RBFOX1: variants seen among roughly 807,000 people sequenced by gnomAD.
The protein encoded by RBFOX1 is RNA binding protein fox-1 homolog 1.
In RBFOX1, 8 loss-of-function variants were observed where a neutral mutation model predicts 57.7. The observed-to-expected ratio is 0.14, with a 90% confidence interval of 0.08 to 0.25. RBFOX1 has a LOEUF of 0.25. Ranked by LOEUF, RBFOX1 falls within the 10% of genes least tolerant of loss-of-function variation. RBFOX1 has a pLI of 1.00. For synonymous variants in RBFOX1, 326 were observed against 222.4 expected, an observed-to-expected ratio of 1.47 and a Z score of -4.15; for missense variants, 611 against 548.5, an observed-to-expected ratio of 1.11 and a Z score of -1.14.
At chr16:6,240,528 C>T (rs904129200) in intron 1 of RBFOX1, among the ~76,000 whole-genome samples, 3 of 152,064 alleles carry the variant, frequency 2.0e-5, no homozygotes, top group African/African-American at 7.2e-5. Flanking sequence ...CACTCTTTGG[C>T]ACAATTTTCA....
chr16:5,540,802 A>G (rs750398435), intron 2 of RBFOX1, among the ~76,000 whole-genome samples: 1 of 152,196 alleles, frequency 6.6e-6, no homozygotes, highest in Admixed American at 6.5e-5. Context: ...GCAGAATCTC[A>G]GCTCCATCCC....
At chr16:7,705,348 T>C (rs2082092062) in intron 14 of RBFOX1, among the ~76,000 whole-genome samples, 1 of 151,874 alleles carries the variant, frequency 6.6e-6, no homozygotes, top group African/African-American at 2.4e-5. Context: ...CTACTAAAAA[T>C]AGAAAAATTA....
chr16:7,080,247 C>T (rs917977532), intron 4 of RBFOX1, among the ~76,000 whole-genome samples: 5 of 151,982 alleles, frequency 3.3e-5, no homozygotes, highest in African/African-American at 1.2e-4. Context: ...TTTCATGCAG[C>T]GTGGACAGGC....
intron 4 of RBFOX1, among the ~76,000 whole-genome samples, chr16:7,204,422 A>T (rs2089472827): frequency 6.6e-6 from 1 of 152,182 alleles, no homozygotes; most frequent in African/African-American, 2.4e-5. Context: ...TGGGAGGATC[A>T]CTTGAGCCCA....
intron 3 of RBFOX1, among the ~76,000 whole-genome samples, chr16:6,699,870 A>C (rs7199760): frequency 0.17 from 26,586 of 152,118 alleles, 2,592 homozygotes; most frequent in Non-Finnish European, 0.21. Context: ...AAGGATAGCT[A>C]TTCTGCCACA....
chr16:5,815,156 ATTT>A (rs71142650), intron 3 of RBFOX1, among the ~76,000 whole-genome samples: 143 of 114,210 alleles, frequency 1.3e-3, no homozygotes, highest in African/African-American at 4.7e-3. Flanking sequence ...ATTTAATTTA[ATTT>A]TTTTTTTTTT....
intron 3 of RBFOX1, among the ~76,000 whole-genome samples, chr16:6,827,747 G>A (rs1380252779): frequency 3.9e-5 from 6 of 152,002 alleles, no homozygotes; most frequent in Non-Finnish European, 5.9e-5. Context: ...ATGGATCTCC[G>A]GTCACCTCCA....
chr16:6,120,316 C>T (rs2096539631), intron 1 of RBFOX1, among the ~76,000 whole-genome samples: 1 of 152,228 alleles, frequency 6.6e-6, no homozygotes, highest in South Asian at 2.1e-4. Context: ...CTGGATCATG[C>T]AGTAGCTCTA....
At chr16:6,296,449 C>T (rs2078120854) in intron 1 of RBFOX1, among the ~76,000 whole-genome samples, 1 of 146,546 alleles carries the variant, frequency 6.8e-6, no homozygotes, top group Non-Finnish European at 1.5e-5. Context: ...GAGGTGGAGT[C>T]TCGCTCTGTC....
At chr16:7,065,661 A>G (rs979443301) in intron 4 of RBFOX1, among the ~76,000 whole-genome samples, 2 of 152,206 alleles carry the variant, frequency 1.3e-5, no homozygotes, top group East Asian at 1.9e-4. Context: ...TAGGGTAAGA[A>G]TACTTAAAAT....
intron 3 of RBFOX1, among the ~76,000 whole-genome samples, chr16:6,748,150 G>A (rs2074160986): frequency 6.6e-6 from 1 of 152,166 alleles, no homozygotes; most frequent in Non-Finnish European, 1.5e-5. Flanking sequence ...TTTATGGCAT[G>A]ATTTACTAGC....
chr16:7,531,181 A>G (rs2079978406), intron 5 of RBFOX1, among the ~76,000 whole-genome samples: 2 of 152,214 alleles, frequency 1.3e-5, no homozygotes, highest in Admixed American at 6.5e-5. Context: ...AATCCAAACA[A>G]TATGGGCTGC....
In RBFOX1 at chr16:7,295,945, C is replaced by T. The variant is rs980188650; in HGVS notation, c.28-222202C>T. On this transcript the variant is annotated intron_variant, in intron 4 of 15. Coordinates refer to ENST00000550418, the MANE Select transcript of RBFOX1 (RefSeq NM_018723.4). ...GAAGGGTGTTTGGTTTGGTTTGCTG[C>T]AGTGAACCTGTGGGGGTAAAGAGAA... 2.6e-5 allele frequency among the ~76,000 whole-genome samples: 4 copies of T among 152,136 alleles called. No homozygotes were observed. In the East Asian group the frequency reaches 5.8e-4, roughly 22 times the overall value.
chr16:6,640,644 T>G (rs540458952), intron 2 of RBFOX1, among the ~76,000 whole-genome samples: 1 of 152,024 alleles, frequency 6.6e-6, no homozygotes, highest in Non-Finnish European at 1.5e-5. Flanking sequence ...AATACTACTT[T>G]ATAGAGCCAG....
chr16:5,448,300 C>G (rs2151558059), intron 1 of RBFOX1, among the ~76,000 whole-genome samples: 1 of 152,264 alleles, frequency 6.6e-6, no homozygotes. Context: ...GTTCCTCAAA[C>G]TTACCTCCCA....
rs34468596 is a variant in RBFOX1, at chr16:7,610,118, C to CTTTTTTTTTTTTTTTTTTTTTTTTTTTTT, written c.676+2801_676+2802insTTTTTTTTTTTTTTTTTTTTTTTTTTTTT. ...GGTGTGAGCCACTGCGCCCGGCCCC[C>CTTTTTTTTTTTTTTTTTTTTTTTTTTTTT]TTTTTTTTTTTTTTTTTTTTTGAGG... On this transcript the variant is annotated intron_variant, in intron 10 of 15. Transcript: ENST00000550418. Among the ~76,000 whole-genome samples, 2 of 65,622 alleles carry CTTTTTTTTTTTTTTTTTTTTTTTTTTTTT rather than the reference C, an allele frequency of 3.0e-5. 1 individual carries two copies. The highest frequency in any genetic ancestry group is 1.6e-4 in the African/African-American group (2 of 12,424). The allele number at this position is 65,622 out of a possible 152,430, so 43.1% of individuals were successfully genotyped here.
At chr16:7,054,556 T>G (rs2153734958) in intron 4 of RBFOX1, among the ~76,000 whole-genome samples, 1 of 121,772 alleles carries the variant, frequency 8.2e-6, no homozygotes, top group Non-Finnish European at 1.8e-5. Flanking sequence ...GGGGGGGCAT[T>G]TTTTAAGGGT....
chr16:6,314,983 A>G (rs549590498), intron 1 of RBFOX1, among the ~76,000 whole-genome samples: 1 of 152,310 alleles, frequency 6.6e-6, no homozygotes, highest in East Asian at 1.9e-4. Context: ...TCCCCGGTGA[A>G]GATCTGTCTA....
rs140452543 is a variant in RBFOX1 at position 6,934,027 on chromosome 16, G to A, written c.-15-118030G>A. ...CAGGGGTCAGGGAGGGGACACGATT[G>A]CACACTGGGCTAGAGCTGCTGTCCG... is the stretch of plus-strand genomic sequence containing the variant. On this transcript the variant is annotated intron_variant, in intron 3 of 15. Coordinates refer to ENST00000550418, the MANE Select transcript of RBFOX1 (RefSeq NM_018723.4). 7.7e-3 allele frequency among the ~76,000 whole-genome samples: 1,180 copies of A among 152,314 alleles called. 15 individuals carry two copies. Among genetic ancestry groups the A allele is most frequent in the African/African-American group, 0.027 (1,113 of 41,566 alleles).
Sources: gnomAD v4.1 joint callset for allele counts (sites outside exome capture counted in the v4.1 genomes callset) on GRCh38, gnomAD v4.1.1 for gene constraint, MANE v1.5 for transcripts, NCBI Gene and HGNC (gene_info 2026-07-23, HGNC 2026-07-21) for gene names.